CENPM: variants seen among roughly 807,000 people sequenced by gnomAD.
The protein encoded by CENPM is interphase centromere complex protein 39.
Under a neutral mutation model 19.6 loss-of-function variants are expected in CENPM, and 14 were observed. The ratio of observed to expected loss-of-function variants is 0.71; its 90% CI spans 0.47 to 1.11. The LOEUF (loss-of-function observed/expected upper bound fraction) is 1.11, where lower values mean the gene tolerates loss of function less well. CENPM is among the 50% of genes most tolerant of loss of function. The pLI, the probability that CENPM is intolerant of heterozygous loss-of-function variation, is 0.00. For synonymous variants in CENPM, 114 were observed against 101.5 expected (o/e 1.12, Z -0.74); for missense variants, 239 against 228.4 (o/e 1.05, Z -0.30).
chr22:41,934,371 C>T (rs1023739070), downstream of CENPM, among the ~76,000 whole-genome samples: 2 of 152,186 alleles, frequency 1.3e-5, no homozygotes, highest in Non-Finnish European at 2.9e-5. Flanking sequence ...TCCGAGTAAG[C>T]TCTACTCCTC....
chr22:41,939,106 G>A lies in CENPM; in HGVS notation c.493C>T (p.Leu165=), dbSNP rs763157368. The A allele has an allele frequency of 4.3e-6, 7 of 1,612,978 alleles. No homozygotes were observed. Among genetic ancestry groups the A allele is most frequent in the Non-Finnish European group, 5.1e-6 (6 of 1,180,016 alleles). ...GHVPGVSALN[L]LSLLRSSEGP... is the part of the protein sequence containing the mutation. ...TCAGAGCTTCTCAGCAGGGACAGCA[G>A]GTTCAGAGCTGAGACACCGGGCACG... Residue 165 remains leucine (L), a synonymous_variant, in exon 6 of 6, where the codon CTG becomes TTG. Transcript: ENST00000215980.
chr22:41,947,123 T>C lies in CENPM; in HGVS notation c.-47A>G, dbSNP rs933198369. The C allele has an allele frequency of 4.4e-5, 71 of 1,595,734 alleles. No individual in the cohort carries two copies. Among genetic ancestry groups the C allele is most frequent in the Non-Finnish European group, 5.8e-5 (68 of 1,166,736 alleles). On this transcript the variant is annotated 5_prime_UTR_variant, in exon 1 of 6. Coordinates refer to ENST00000215980, the MANE Select transcript of CENPM (RefSeq NM_024053.5). ...TGCTCCTGCGGTGCGCGCCGATCTT[T>C]CAAACCGCCCTGAGTCCAGCCCCTA...
chr22:41,929,318 C>CCTGA, the CENPM span, among the ~76,000 whole-genome samples: 1 of 152,136 alleles, frequency 6.6e-6, no homozygotes, highest in Non-Finnish European at 1.5e-5. Flanking sequence ...GCTGCAGAGG[C>CCTGA]CTGACTGAGT....
At chr22:41,930,863 G>A in the CENPM span, among the ~76,000 whole-genome samples, 3 of 139,876 alleles carry the variant, frequency 2.1e-5, no homozygotes, top group Non-Finnish European at 4.6e-5. Context: ...TTGAGATGGA[G>A]TCTCGCTCTG....
At chr22:41,937,944 T>C (rs2077691042), downstream of CENPM, among the ~76,000 whole-genome samples, 1 of 148,190 alleles carries the variant, frequency 6.7e-6, no homozygotes, top group Non-Finnish European at 1.5e-5. Flanking sequence ...CCCAGGTTCA[T>C]GCCGGTCTTC....
the CENPM span, among the ~76,000 whole-genome samples, chr22:41,931,578 A>G: frequency 2.0e-5 from 3 of 152,194 alleles, no homozygotes; most frequent in Non-Finnish European, 4.4e-5. Context: ...TCCTGAAGAC[A>G]CCCTCACAAG....
At chr22:41,930,623 A>G in the CENPM span, among the ~76,000 whole-genome samples, 1 of 151,890 alleles carries the variant, frequency 6.6e-6, no homozygotes, top group Non-Finnish European at 1.5e-5. Context: ...GGTTCAAGCG[A>G]TTCTCCTGCC....
At chr22:41,935,131 G>C (rs2077678328), downstream of CENPM, among the ~76,000 whole-genome samples, 1 of 152,252 alleles carries the variant, frequency 6.6e-6, no homozygotes, top group Non-Finnish European at 1.5e-5. Context: ...GCTGGGAGCT[G>C]GCGGCAGTGA....
intron 1 of CENPM, 37 bp downstream of exon 1, chr22:41,946,983 A>G: frequency 2.5e-6 from 4 of 1,608,958 alleles, no homozygotes; most frequent in Non-Finnish European, 3.4e-6. Flanking sequence ...GCCCAGGAGG[A>G]AAAACCGGCG....
intron 1 of CENPM, chr22:41,946,786 A>G: frequency 1.7e-6 from 1 of 601,458 alleles, no homozygotes; most frequent in East Asian, 2.8e-5. Context: ...AGGCGCGGGA[A>G]CTCGCCAATC....
chr22:41,945,790 C>G (rs2077793450), intron 3 of CENPM, 123 bp downstream of exon 3: 3 of 722,660 alleles, frequency 4.2e-6, no homozygotes, highest in South Asian at 1.8e-5. Flanking sequence ...CCTCACCTTA[C>G]AGATTGACCT....
the CENPM span, among the ~76,000 whole-genome samples, chr22:41,930,518 T>A: frequency 6.6e-6 from 1 of 152,062 alleles, no homozygotes; most frequent in South Asian, 2.1e-4. Context: ...CTTTTCTTTT[T>A]TTTTGAGATG....
chr22:41,946,992 C>A, intron 1 of CENPM, 28 bp downstream of exon 1: 1 of 1,610,926 alleles, frequency 6.2e-7, no homozygotes, highest in South Asian at 1.1e-5. Flanking sequence ...GAAAAACCGG[C>A]GGGGGAAGCA....
chr22:41,946,400 C>G lies in CENPM; in HGVS notation c.137+17G>C. On this transcript the variant is annotated intron_variant, in intron 2 of 5. Coordinates refer to ENST00000215980, the MANE Select transcript of CENPM (RefSeq NM_024053.5). Reference sequence around the variant, plus strand: ...GTGAGAGACACGTGGGCCCAGGCCACAGCCGCGGCTACTTACACCTTCAGC... The same window carrying G: ...GTGAGAGACACGTGGGCCCAGGCCAGAGCCGCGGCTACTTACACCTTCAGC... 6.2e-7 allele frequency: 1 copy of G among 1,610,326 alleles called. No individual in the cohort carries two copies.
At chr22:41,946,617 T>C (rs2077807355) in intron 1 of CENPM, 121 bp from the exon 2 acceptor site, 2 of 810,576 alleles carry the variant, frequency 2.5e-6, no homozygotes, top group South Asian at 1.7e-5. Flanking sequence ...TCGGAGGACA[T>C]TTCCCGAGAA....
chr22:41,945,238 G>C lies in CENPM; in HGVS notation c.297C>G (p.Phe99Leu), dbSNP rs757518630. The change falls in exon 4 of 6, where the codon TTC becomes TTG. Residue 99 changes from phenylalanine (F) to leucine (L), a missense_variant. Physicochemically the swap from Phe to Leu is conservative, Grantham distance 22. Transcript: ENST00000215980. ...GAACGTACTTACCACCTGTGGCGAG[G>C]AAACACACCTTCCCCAAGAAGAAGC... is the stretch of plus-strand genomic sequence containing the variant. ...DASFFLGKVC[F>L]LATGAGRESH... The C allele has an allele frequency of 1.4e-5, 22 of 1,613,832 alleles. No individual in the cohort carries two copies. The South Asian group carries it at 2.4e-4, about 18-fold the overall frequency.
chr22:41,929,734 C>A, the CENPM span, among the ~76,000 whole-genome samples: 1 of 126,184 alleles, frequency 7.9e-6, no homozygotes, highest in Non-Finnish European at 1.6e-5. Context: ...AAAAGGCCTG[C>A]GGGATTCGTG....
intron 5 of CENPM, among the ~76,000 whole-genome samples, chr22:41,941,072 G>A (rs1365984401): frequency 1.3e-5 from 2 of 152,192 alleles, no homozygotes; most frequent in African/African-American, 4.8e-5. Context: ...GAGATTCTGA[G>A]AGGGCAGGGC....
the CENPM span, among the ~76,000 whole-genome samples, chr22:41,929,083 G>A: frequency 6.6e-6 from 1 of 151,564 alleles, no homozygotes; most frequent in Non-Finnish European, 1.5e-5. Context: ...CTGGGGGCAG[G>A]TGTGGGTGAG....
Sources: gnomAD v4.1 joint callset for allele counts (sites outside exome capture counted in the v4.1 genomes callset) on GRCh38, gnomAD v4.1.1 for gene constraint, MANE v1.5 for transcripts, NCBI Gene and HGNC (gene_info 2026-07-23, HGNC 2026-07-21) for gene names.